CELF2: variants seen among roughly 807,000 people sequenced by gnomAD.
CELF2 encodes CUGBP Elav-like family member 2, also known as CUG triplet repeat RNA-binding protein 2.
CELF2 carries 8 observed loss-of-function variants against 62.6 expected under a neutral mutation model. That is an observed-to-expected ratio of 0.13 (90% confidence interval 0.07 to 0.23). The LOEUF is 0.23. Among genes scored for constraint, CELF2 ranks in the 10% least tolerant of loss-of-function variants. The pLI, the probability that CELF2 is intolerant of heterozygous loss-of-function variation, is 1.00. For missense variants in CELF2, 333 were observed against 671.0 expected, an observed-to-expected ratio of 0.50 and a Z score of 5.56; for synonymous variants, 258 against 250.0, an observed-to-expected ratio of 1.03 and a Z score of -0.30.
chr10:10,845,169 C>A (rs1020636385), intron 1 of CELF2, among the ~76,000 whole-genome samples: 1 of 152,022 alleles, frequency 6.6e-6, no homozygotes, highest in African/African-American at 2.4e-5. Context: ...TGGCCATTTT[C>A]TTGCTTGAGT....
chr10:10,493,198 G>A, the CELF2 span, among the ~76,000 whole-genome samples: 5 of 152,226 alleles, frequency 3.3e-5, no homozygotes, highest in South Asian at 2.1e-4. Flanking sequence ...AATACTGTAC[G>A]ATTTTTCTTA....
chr10:11,316,552 T>TA lies in CELF2; in HGVS notation c.1096+2294_1096+2295insA, dbSNP rs1465172379. 1.3e-5 allele frequency among the ~76,000 whole-genome samples: 2 copies of TA among 152,140 alleles called. No individual in the cohort carries two copies. The highest frequency in any genetic ancestry group is 2.9e-5 in the Non-Finnish European group (2 of 68,038). On this transcript the variant is annotated intron_variant, in intron 10 of 12. Transcript: ENST00000633077. This position sits in a 1 kb window ranked among gnomAD's most constrained non-coding sequence, Gnocchi z 4.4. Reference sequence around the variant, plus strand: ...ATTCCTAAAGAAATTCGTCAAGCAGTGGTTACCTGGACAGAGTCAGCTTCT... The same window carrying TA: ...ATTCCTAAAGAAATTCGTCAAGCAGTAGGTTACCTGGACAGAGTCAGCTTCT...
Position 11,306,453 on chromosome 10 carries a change from A to G in CELF2, c.977-7686A>G, listed in dbSNP as rs899067678. ...GGTGGCACCGCATGTGTCTCTGTCTAAGACCTCTTTCTCAATTGTGCATCT... is the reference window on the plus strand; with the variant it reads ...GGTGGCACCGCATGTGTCTCTGTCTGAGACCTCTTTCTCAATTGTGCATCT... On this transcript the variant is annotated intron_variant, in intron 9 of 12. Coordinates refer to ENST00000633077, the MANE Select transcript of CELF2 (RefSeq NM_001326342.2). This position sits in a 1 kb window ranked among gnomAD's most constrained non-coding sequence, Gnocchi z 4.4. 1.3e-5 allele frequency among the ~76,000 whole-genome samples: 2 copies of G among 152,174 alleles called. No individual in the cohort carries two copies. The highest frequency in any genetic ancestry group is 4.2e-4 in the South Asian group (2 of 4,810).
the CELF2 span, among the ~76,000 whole-genome samples, chr10:10,736,396 C>CTTTTTCTTTCTTTCT: frequency 1.3e-5 from 1 of 76,016 alleles, no homozygotes; most frequent in East Asian, 2.9e-4. Context: ...TTCTTTCTTT[C>CTTTTTCTTTCTTTCT]TTTTTTTTTT....
the CELF2 span, among the ~76,000 whole-genome samples, chr10:10,580,106 T>G: frequency 6.6e-6 from 1 of 152,142 alleles, no homozygotes; most frequent in South Asian, 2.1e-4. Flanking sequence ...GTTTTTCCCT[T>G]AAAATAATAT....
intron 1 of CELF2, among the ~76,000 whole-genome samples, chr10:11,079,222 G>GT (rs1387070498): frequency 6.6e-6 from 1 of 152,106 alleles, no homozygotes; most frequent in Non-Finnish European, 1.5e-5. Context: ...AATTTCATAC[G>GT]TTTTTTGTAC....
the CELF2 span, among the ~76,000 whole-genome samples, chr10:10,664,657 A>G: frequency 6.6e-6 from 1 of 152,218 alleles, no homozygotes; most frequent in South Asian, 2.1e-4. Context: ...ATAGAAATCA[A>G]GCTGGGTAGA....
the CELF2 span, among the ~76,000 whole-genome samples, chr10:10,668,765 C>G: frequency 2.6e-4 from 40 of 152,092 alleles, no homozygotes; most frequent in African/African-American, 9.4e-4. Context: ...TGAGACCAGC[C>G]TAGCCAACAT....
In CELF2 at chr10:11,319,920, G is replaced by A. The variant is rs1323059375; in HGVS notation, c.1097-1269G>A. The A allele has an allele frequency of 8.5e-6, 4 of 468,844 alleles. No homozygotes were observed. Among genetic ancestry groups the A allele is most frequent in the South Asian group, 3.1e-5 (2 of 64,434 alleles). The allele number at this position is 468,844 out of a possible 1,614,324, so 29.0% of individuals were successfully genotyped here. ...GGCGTGTGGAGGTCACTCTGCTGCC[G>A]GATTCTCTGGTGTTTCCAGGCAGCC... On this transcript the variant is annotated intron_variant, in intron 10 of 12. Coordinates refer to ENST00000633077, the MANE Select transcript of CELF2 (RefSeq NM_001326342.2). The surrounding 1 kb of genome is among the most constrained non-coding windows in gnomAD (Gnocchi z 4.4).
In CELF2 at chr10:11,246,892, C is replaced by A. The variant is rs964448219; in HGVS notation, c.355-2261C>A. On this transcript the variant is annotated intron_variant, in intron 3 of 12. Transcript: ENST00000633077. The surrounding 1 kb of genome is among the most constrained non-coding windows in gnomAD (Gnocchi z 4.6). ...AACTTCTGTCTGTACCCCACAGTCA[C>A]ATCAACCTTAGCATGTCCAGACCTG... is the stretch of plus-strand genomic sequence containing the variant. 8.5e-5 allele frequency among the ~76,000 whole-genome samples: 13 copies of A among 152,228 alleles called. No individual in the cohort carries two copies. Among genetic ancestry groups the A allele is most frequent in the Admixed American group, 8.5e-4 (13 of 15,284 alleles).
the CELF2 span, among the ~76,000 whole-genome samples, chr10:10,717,537 C>T: frequency 4.6e-5 from 7 of 152,014 alleles, no homozygotes; most frequent in Non-Finnish European, 8.8e-5. Context: ...TCTCTTCTCA[C>T]GTAAATGGAA....
At chr10:10,659,669 T>C in the CELF2 span, among the ~76,000 whole-genome samples, 2 of 152,148 alleles carry the variant, frequency 1.3e-5, no homozygotes, top group African/African-American at 4.8e-5. Context: ...CTAAACAGAA[T>C]TGACTTCCAG....
intron 1 of CELF2, among the ~76,000 whole-genome samples, chr10:11,132,500 G>T (rs1192033687): frequency 6.6e-6 from 1 of 152,142 alleles, no homozygotes; most frequent in Non-Finnish European, 1.5e-5. Context: ...GCAAATGTGG[G>T]CAATAAAGGT....
intron 2 of CELF2, among the ~76,000 whole-genome samples, chr10:11,170,120 T>C (rs1417642132): frequency 6.6e-6 from 1 of 152,158 alleles, no homozygotes; most frequent in Non-Finnish European, 1.5e-5. Context: ...AGAGGAAGCT[T>C]AGACATGCAG....
In CELF2 at chr10:11,110,954, A is replaced by G. The variant is rs773797728; in HGVS notation, c.75-54532A>G. ...AAACTGGAATTACAGAACGTCCAGC[A>G]AGGCCCTTTTGGGAGAAGGGTTATA... On this transcript the variant is annotated intron_variant, in intron 1 of 12. Coordinates refer to ENST00000633077, the MANE Select transcript of CELF2 (RefSeq NM_001326342.2). This position sits in a 1 kb window ranked among gnomAD's most constrained non-coding sequence, Gnocchi z 4.0. Among the ~76,000 whole-genome samples the G allele has an allele frequency of 1.3e-5, 2 of 152,150 alleles. No homozygotes were observed. The highest frequency in any genetic ancestry group is 2.9e-5 in the Non-Finnish European group (2 of 68,016).
At chr10:10,551,258 T>G in the CELF2 span, among the ~76,000 whole-genome samples, 1 of 152,160 alleles carries the variant, frequency 6.6e-6, no homozygotes, top group South Asian at 2.1e-4. Flanking sequence ...CAGAGACCCC[T>G]GGAGCTAGGA....
upstream of CELF2, among the ~76,000 whole-genome samples, chr10:10,796,184 C>A (rs1188702736): frequency 6.6e-6 from 1 of 152,166 alleles, no homozygotes; most frequent in Non-Finnish European, 1.5e-5. Context: ...GAGCTCAGAC[C>A]AGTTCCTTAA....
chr10:10,700,431 C>T, the CELF2 span, among the ~76,000 whole-genome samples: 1 of 152,146 alleles, frequency 6.6e-6, no homozygotes, highest in East Asian at 1.9e-4. Flanking sequence ...TTGAGTTGAC[C>T]ACATTCTAGA....
intron 1 of CELF2, among the ~76,000 whole-genome samples, chr10:11,116,600 G>T (rs909275300): frequency 2.6e-4 from 40 of 152,210 alleles, no homozygotes; most frequent in African/African-American, 9.6e-4. Flanking sequence ...TTTTCGAGCT[G>T]TGGAGAGAAG....
Sources: allele counts gnomAD v4.1 joint callset (sites outside exome capture counted in the v4.1 genomes callset), GRCh38; gene constraint gnomAD v4.1.1; non-coding constraint Gnocchi (gnomAD v3.1); transcripts MANE v1.5; gene names NCBI Gene and HGNC (gene_info 2026-07-23, HGNC 2026-07-21).